STK3: variants seen among roughly 807,000 people sequenced by gnomAD.
STK3 encodes the protein serine/threonine kinase 3.
STK3 carries 41 observed loss-of-function variants against 58.0 expected under a neutral mutation model. That is an observed-to-expected ratio of 0.71 (90% CI 0.55 to 0.92). The LOEUF is 0.92. STK3 is among the 40% of genes least tolerant of loss of function. STK3 has a pLI of 0.00. For missense variants in STK3, 479 were observed against 602.7 expected (o/e 0.79, Z 2.15); for synonymous variants, 170 against 191.0 (o/e 0.89, Z 0.91).
At chr8:98,351,322 A>T in the STK3 span, among the ~76,000 whole-genome samples, 1 of 152,216 alleles carries the variant, frequency 6.6e-6, no homozygotes, top group Admixed American at 6.5e-5. Flanking sequence ...CCATGTCCTG[A>T]CAATGGAGAC....
At chr8:98,746,840 C>G (rs1462402792) in intron 4 of STK3, among the ~76,000 whole-genome samples, 1 of 151,824 alleles carries the variant, frequency 6.6e-6, no homozygotes, top group Non-Finnish European at 1.5e-5. Flanking sequence ...GAGTTGAAGA[C>G]CAGCCTGGGC....
At chr8:98,747,089 CAA>C (rs561765459) in intron 4 of STK3, among the ~76,000 whole-genome samples, 12 of 78,642 alleles carry the variant, frequency 1.5e-4, no homozygotes, top group Admixed American at 2.8e-4. Flanking sequence ...ACATTTTCAC[CAA>C]AAAAAAAAAA....
chr8:98,550,056 C>T (rs567953729), intron 8 of STK3, among the ~76,000 whole-genome samples: 8 of 150,618 alleles, frequency 5.3e-5, no homozygotes, highest in South Asian at 2.1e-4. Flanking sequence ...AACTTGATTA[C>T]GCACGGAAAT....
the STK3 span, among the ~76,000 whole-genome samples, chr8:98,354,080 T>TTA: frequency 2.6e-5 from 4 of 152,224 alleles, no homozygotes; most frequent in Non-Finnish European, 2.9e-5. Flanking sequence ...GATCTGGTCT[T>TTA]TATGTCACCA....
chr8:98,883,401 A>G, downstream of STK3: 1 of 401,678 alleles, frequency 2.5e-6, no homozygotes, highest in South Asian at 3.1e-5. Flanking sequence ...CTGGCCTGCC[A>G]GAAGGAAAAT....
intron 1 of STK3, among the ~76,000 whole-genome samples, chr8:98,890,606 AG>A (rs1302491010): frequency 1.4e-4 from 22 of 152,296 alleles, no homozygotes; most frequent in African/African-American, 4.8e-4. Context: ...ACCAGCCACC[AG>A]GGGTCACATA....
At chr8:98,514,080 T>C (rs1158642206) in intron 10 of STK3, among the ~76,000 whole-genome samples, 2 of 152,162 alleles carry the variant, frequency 1.3e-5, no homozygotes, top group Non-Finnish European at 2.9e-5. Flanking sequence ...TGATGACCTC[T>C]GCCTCTCTTG....
chr8:98,419,895 G>A (rs527644143), intron 3 of STK3, among the ~76,000 whole-genome samples: 22 of 152,164 alleles, frequency 1.4e-4, no homozygotes, highest in South Asian at 8.3e-4. Context: ...TTCCCTTATC[G>A]CTCAACTTAA....
chr8:98,563,977 T>C (rs1009697081), intron 8 of STK3, among the ~76,000 whole-genome samples: 2 of 152,108 alleles, frequency 1.3e-5, no homozygotes, highest in Non-Finnish European at 2.9e-5. Context: ...GTACTGTGAC[T>C]TCCTTCCAAA....
intron 6 of STK3, among the ~76,000 whole-genome samples, chr8:98,693,246 G>A (rs1824545253): frequency 6.6e-6 from 1 of 151,936 alleles, no homozygotes; most frequent in Non-Finnish European, 1.5e-5. Context: ...AAAAATATAA[G>A]ATTTAGCCAG....
chr8:98,664,573 T>C (rs982617442), intron 6 of STK3, among the ~76,000 whole-genome samples: 1 of 152,222 alleles, frequency 6.6e-6, no homozygotes, highest in Non-Finnish European at 1.5e-5. Flanking sequence ...TCTTGACTCT[T>C]TAGCCCAACT....
chr8:98,574,188 C>G (rs906777193), intron 8 of STK3, among the ~76,000 whole-genome samples: 6 of 152,134 alleles, frequency 3.9e-5, no homozygotes, highest in African/African-American at 1.4e-4. Context: ...ACTGGGTGGT[C>G]TAGCAAAGCA....
chr8:98,480,536 A>G (rs1454406910), intron 10 of STK3, among the ~76,000 whole-genome samples: 1 of 152,206 alleles, frequency 6.6e-6, no homozygotes, highest in Non-Finnish European at 1.5e-5. Flanking sequence ...CCTAGCTGCC[A>G]CAGTATGATT....
rs1831013154 is a variant in STK3, at chr8:98,767,347, T to G, written c.132A>C (p.Ala44=). The change falls in exon 3 of 11, where the codon GCA becomes GCC. Residue 44 remains alanine (A), a synonymous_variant. Transcript: ENST00000419617. ...CAACTTGACCGGATTCCTTGTGTAT[T>G]GCTTTAAATACACTTCCATAAGACC... ...GEGSYGSVFK[A]IHKESGQVVA... 6.2e-7 allele frequency: 1 copy of G among 1,607,808 alleles called. No individual in the cohort carries two copies. The highest frequency in any genetic ancestry group is 8.5e-7 in the Non-Finnish European group (1 of 1,178,592).
At chr8:98,412,115 G>A (rs1818064888) in intron 3 of STK3, among the ~76,000 whole-genome samples, 1 of 152,182 alleles carries the variant, frequency 6.6e-6, no homozygotes, top group South Asian at 2.1e-4. Flanking sequence ...ATCCAAGCTA[G>A]CTTCTATTGC....
At chr8:98,691,252 A>C (rs1824382855) in intron 6 of STK3, among the ~76,000 whole-genome samples, 1 of 152,264 alleles carries the variant, frequency 6.6e-6, no homozygotes, top group Non-Finnish European at 1.5e-5. Flanking sequence ...TATTTTTAAA[A>C]AATAATTTCC....
intron 3 of STK3, chr8:98,432,787 G>C (rs191548111): frequency 6.2e-4 from 103 of 167,040 alleles, no homozygotes; most frequent in African/African-American, 2.4e-3. Flanking sequence ...TGCCATATTT[G>C]AGATGTCAGT....
At chr8:98,770,022 A>G (rs577708723) in intron 2 of STK3, among the ~76,000 whole-genome samples, 2 of 152,344 alleles carry the variant, frequency 1.3e-5, no homozygotes, top group South Asian at 4.1e-4. Flanking sequence ...TAAGGTATCT[A>G]ACAATAAAGA....
intron 5 of STK3, 47 bp downstream of exon 5, chr8:98,707,100 C>T: frequency 6.5e-7 from 1 of 1,547,060 alleles, no homozygotes; most frequent in Non-Finnish European, 8.7e-7. Context: ...ATAATCAAAT[C>T]TGAACAAATT....
Sources: gnomAD v4.1 joint callset for allele counts (sites outside exome capture counted in the v4.1 genomes callset) on GRCh38, gnomAD v4.1.1 for gene constraint, MANE v1.5 for transcripts, NCBI Gene and HGNC (gene_info 2026-07-23, HGNC 2026-07-21) for gene names.